The following ABHD6 variants were observed in gnomAD, a reference collection of about 807,000 sequenced individuals.
ABHD6 encodes the protein monoacylglycerol lipase ABHD6.
Under a neutral mutation model 38.8 loss-of-function variants are expected in ABHD6, and 33 were observed. The ratio of observed to expected loss-of-function variants is 0.85; its 90% CI spans 0.64 to 1.14. ABHD6 has a LOEUF of 1.14. ABHD6 is among the 50% of genes most tolerant of loss of function. The pLI, the probability that ABHD6 is intolerant of heterozygous loss-of-function variation, is 0.00. For missense variants in ABHD6, 380 were observed against 422.6 expected, an observed-to-expected ratio of 0.90 and a Z score of 0.88; for synonymous variants, 147 against 161.6, an observed-to-expected ratio of 0.91 and a Z score of 0.69.
chr3:58,261,947 A>C (rs909639618), intron 3 of ABHD6, among the ~76,000 whole-genome samples: 3 of 152,220 alleles, frequency 2.0e-5, no homozygotes, highest in Non-Finnish European at 4.4e-5. Flanking sequence ...CTAAATGTCC[A>C]ACAGACAAAT....
At position 58,287,637 on chromosome 3, in the gene ABHD6, A is replaced by G. The variant is rs937242639; in HGVS notation, c.837+2184A>G. Among the ~76,000 whole-genome samples the G allele has an allele frequency of 1.3e-5, 2 of 152,228 alleles. No individual in the cohort carries two copies. The highest frequency in any genetic ancestry group is 2.9e-5 in the Non-Finnish European group (2 of 68,038). On this transcript the variant is annotated intron_variant, in intron 9 of 9. Transcript: ENST00000478253. The surrounding 1 kb of genome is among the most constrained non-coding windows in gnomAD (Gnocchi z 4.7). ...AGAGAGTCATTTGATCAGGAATCAG[A>G]GCCTGAGCAGCGAAGGCCTTCTGTT...
rs1163341075 is a variant in ABHD6 at position 58,270,945 on chromosome 3, T to C, written c.404T>C (p.Leu135Pro). ...TTCCCTTCCTAGTTTGTAGAATGCC[T>C]GAAGCTGAACAAAAAACCTTTCCAC... is the stretch of plus-strand genomic sequence containing the variant. ...VKRIHQFVEC[L>P]KLNKKPFHLV... The change falls in exon 6 of 10, where the codon CTG becomes CCG. Residue 135 changes from leucine (L) to proline (P), a missense_variant. Coordinates refer to ENST00000478253, the MANE Select transcript of ABHD6 (RefSeq NM_001320126.2). 1 of 1,607,578 alleles carries C rather than the reference T, an allele frequency of 6.2e-7. No individual in the cohort carries two copies. Among genetic ancestry groups the C allele is most frequent in the African/African-American group, 1.3e-5 (1 of 74,544 alleles).
intron 7 of ABHD6, among the ~76,000 whole-genome samples, chr3:58,281,888 G>T (rs1410612665): frequency 6.6e-6 from 1 of 152,168 alleles, no homozygotes; most frequent in Non-Finnish European, 1.5e-5. Flanking sequence ...GGCCAAGATG[G>T]GAGGATTGCT....
At position 58,256,625 on chromosome 3, in the gene ABHD6, C is replaced by A; in HGVS notation, c.39C>A (p.Gly13=). ...LDVVNMFVIA[G]GTLAIPILAF... is the part of the protein sequence containing the mutation. ...TGGTTAACATGTTTGTGATTGCGGG[C>A]GGCACGCTGGCCATCCCAATCCTGG... The change falls in exon 3 of 10, where the codon GGC becomes GGA. Residue 13 remains glycine, a synonymous_variant. Coordinates refer to ENST00000478253, the MANE Select transcript of ABHD6 (RefSeq NM_001320126.2). The surrounding 1 kb of genome is among the most constrained non-coding windows in gnomAD (Gnocchi z 4.3). 1.1e-5 allele frequency: 18 copies of A among 1,614,004 alleles called. No individual in the cohort carries two copies. The highest frequency in any genetic ancestry group is 1.5e-5 in the Non-Finnish European group (18 of 1,180,000).
At chr3:58,283,155 A>G (rs1471799996) in intron 7 of ABHD6, among the ~76,000 whole-genome samples, 1 of 152,244 alleles carries the variant, frequency 6.6e-6, no homozygotes, top group African/African-American at 2.4e-5. Flanking sequence ...CCTGTCCCTC[A>G]GGAAACACCC....
At position 58,294,268 on chromosome 3, in the gene ABHD6, C is replaced by G. The variant is rs1051456231; in HGVS notation, c.*503C>G. 1 of 153,018 alleles carries G rather than the reference C, an allele frequency of 6.5e-6. No homozygotes were observed. Among genetic ancestry groups the G allele is most frequent in the African/African-American group, 2.4e-5 (1 of 41,418 alleles). 9.5% of individuals were successfully genotyped at this position (153,018 alleles called of 1,614,324 possible). On this transcript the variant is annotated 3_prime_UTR_variant, in exon 10 of 10. Coordinates refer to ENST00000478253, the MANE Select transcript of ABHD6 (RefSeq NM_001320126.2). ...CCCATGTATGACTGCAGCCCATTGG[C>G]TGCAAGACCAGGGAGGAAAGTGGCA...
At chr3:58,283,127 C>T (rs1308540000) in intron 7 of ABHD6, among the ~76,000 whole-genome samples, 1 of 152,212 alleles carries the variant, frequency 6.6e-6, no homozygotes, top group Non-Finnish European at 1.5e-5. Flanking sequence ...GTGAACATGG[C>T]TCAGTTAATA....
At position 58,259,013 on chromosome 3, in the gene ABHD6, C is replaced by T. The variant is rs1226186667; in HGVS notation, c.119+2308C>T. Among the ~76,000 whole-genome samples, 1 of 152,200 alleles carries T rather than the reference C, an allele frequency of 6.6e-6. No individual in the cohort carries two copies. The highest frequency in any genetic ancestry group is 1.5e-5 in the Non-Finnish European group (1 of 68,036). On this transcript the variant is annotated intron_variant, in intron 3 of 9. Coordinates refer to ENST00000478253, the MANE Select transcript of ABHD6 (RefSeq NM_001320126.2). The surrounding 1 kb of genome is among the most constrained non-coding windows in gnomAD (Gnocchi z 4.7). Reference sequence around the variant, plus strand: ...TGGATGACCCCTGACATGGAGAAGGCAGAGTTGCGTGCCCCTTCTCATGGC... The same window carrying T: ...TGGATGACCCCTGACATGGAGAAGGTAGAGTTGCGTGCCCCTTCTCATGGC...
rs1270549944 is a variant in ABHD6 at position 58,293,193 on chromosome 3, C to A, written c.838-396C>A. Among the ~76,000 whole-genome samples the A allele has an allele frequency of 2.0e-5, 3 of 152,134 alleles. No individual in the cohort carries two copies. The highest frequency in any genetic ancestry group is 7.2e-5 in the African/African-American group (3 of 41,428). On this transcript the variant is annotated intron_variant, in intron 9 of 9. Coordinates refer to ENST00000478253, the MANE Select transcript of ABHD6 (RefSeq NM_001320126.2). This position sits in a 1 kb window ranked among gnomAD's most constrained non-coding sequence, Gnocchi z 4.4. Reference sequence around the variant, plus strand: ...ACTCGCCATGATCTCCCACCCTGTGCCATTCCCACATCCGTGAATGCTCCT... The same window carrying A: ...ACTCGCCATGATCTCCCACCCTGTGACATTCCCACATCCGTGAATGCTCCT...
At chr3:58,286,089 G>A (rs1387976448) in intron 9 of ABHD6, among the ~76,000 whole-genome samples, 4 of 151,742 alleles carry the variant, frequency 2.6e-5, no homozygotes, top group Admixed American at 6.6e-5. Context: ...GCACAATCTC[G>A]GCTCACTGCA....
intron 3 of ABHD6, among the ~76,000 whole-genome samples, chr3:58,264,607 G>C (rs565199102): frequency 2.0e-5 from 3 of 152,020 alleles, no homozygotes; most frequent in African/African-American, 7.2e-5. Flanking sequence ...GGGAGGGTCA[G>C]TTGGGCTTAG....
At chr3:58,274,042 A>T (rs943155652) in intron 6 of ABHD6, among the ~76,000 whole-genome samples, 2 of 152,180 alleles carry the variant, frequency 1.3e-5, no homozygotes, top group African/African-American at 4.8e-5. Flanking sequence ...GATAATGAGC[A>T]ATCTCAATTT....
chr3:58,274,314 C>A (rs2097447186), intron 6 of ABHD6, among the ~76,000 whole-genome samples: 1 of 152,178 alleles, frequency 6.6e-6, no homozygotes. Flanking sequence ...TCCTTAAATT[C>A]TATCATACAT....
rs1274814769 is a variant in ABHD6 at position 58,257,441 on chromosome 3, C to A, written c.119+736C>A. On this transcript the variant is annotated intron_variant, in intron 3 of 9. Transcript: ENST00000478253. The surrounding 1 kb of genome is among the most constrained non-coding windows in gnomAD (Gnocchi z 4.8). ...GCAGTGGTGTCATCTCGGCTCACTG[C>A]AACCTCTGCCTCCCAGGCTCAAGCG... Among the ~76,000 whole-genome samples, 2 of 151,862 alleles carry A rather than the reference C, an allele frequency of 1.3e-5. No homozygotes were observed. Among genetic ancestry groups the A allele is most frequent in the Non-Finnish European group, 2.9e-5 (2 of 67,978 alleles).
chr3:58,254,099 A>G (rs952498735), intron 2 of ABHD6, among the ~76,000 whole-genome samples: 1 of 152,198 alleles, frequency 6.6e-6, no homozygotes, highest in Admixed American at 6.5e-5. Flanking sequence ...TAAAAAATAG[A>G]CAAAGTGGAG....
intron 5 of ABHD6, among the ~76,000 whole-genome samples, chr3:58,270,011 C>T (rs866321736): frequency 6.6e-6 from 1 of 152,136 alleles, no homozygotes; most frequent in African/African-American, 2.4e-5. Context: ...TTTTTAAATT[C>T]GGTCAGGAAC....
Position 58,285,312 on chromosome 3 carries a change from C to G in ABHD6, c.737-41C>G. 1 of 1,597,130 alleles carries G rather than the reference C, an allele frequency of 6.3e-7. No individual in the cohort carries two copies. The highest frequency in any genetic ancestry group is 8.6e-7 in the Non-Finnish European group (1 of 1,164,674). ...TGATTCTGCGGTGGTGCCACAGGCA[C>G]AGTCCAGCACATACTCACTTTGTTT... On this transcript the variant is annotated intron_variant, in intron 8 of 9. Coordinates refer to ENST00000478253, the MANE Select transcript of ABHD6 (RefSeq NM_001320126.2). The surrounding 1 kb of genome is among the most constrained non-coding windows in gnomAD (Gnocchi z 4.9).
intron 2 of ABHD6, among the ~76,000 whole-genome samples, chr3:58,255,933 C>T (rs1429005813): frequency 6.6e-6 from 1 of 152,170 alleles, no homozygotes; most frequent in African/African-American, 2.4e-5. Context: ...GTGTGAGCCA[C>T]TGCACCTGTC....
At chr3:58,253,100 T>C (rs1256735080) in intron 2 of ABHD6, among the ~76,000 whole-genome samples, 2 of 152,078 alleles carry the variant, frequency 1.3e-5, no homozygotes, top group African/African-American at 4.8e-5. Context: ...AAATAGAAGA[T>C]GGAGGCAGAT....
Sources: gnomAD v4.1 joint callset for allele counts (sites outside exome capture counted in the v4.1 genomes callset) on GRCh38, gnomAD v4.1.1 for gene constraint, Gnocchi (gnomAD v3.1) non-coding constraint, MANE v1.5 for transcripts, NCBI Gene and HGNC (gene_info 2026-07-23, HGNC 2026-07-21) for gene names.